Variants in SPAG17 observed in about 807,000 individuals in gnomAD.
SPAG17 encodes the protein sperm associated antigen 17.
Under a neutral mutation model 273.6 loss-of-function variants are expected in SPAG17, and 169 were observed. The ratio of observed to expected loss-of-function variants is 0.62; its 90% CI spans 0.55 to 0.70. The LOEUF is 0.70. Among genes scored for constraint, SPAG17 ranks in the 30% least tolerant of loss-of-function variants. SPAG17 has a pLI of 0.00. For synonymous variants in SPAG17, 825 were observed against 873.2 expected, an observed-to-expected ratio of 0.94 and a Z score of 0.97; for missense variants, 2,557 against 2,627.8, an observed-to-expected ratio of 0.97 and a Z score of 0.59.
At chr1:118,158,529 C>G (rs566587347) in intron 1 of SPAG17, among the ~76,000 whole-genome samples, 1 of 152,122 alleles carries the variant, frequency 6.6e-6, no homozygotes, top group Non-Finnish European at 1.5e-5. Flanking sequence ...GCATCAAGGT[C>G]TAAAACATGG....
intron 24 of SPAG17, among the ~76,000 whole-genome samples, chr1:118,034,036 G>A (rs1192301600): frequency 6.6e-6 from 1 of 152,204 alleles, no homozygotes; most frequent in Admixed American, 6.5e-5. Context: ...GTGCCAGCAA[G>A]TTGCTTGACC....
intron 3 of SPAG17, among the ~76,000 whole-genome samples, chr1:118,140,358 C>T (rs1438735125): frequency 6.6e-6 from 1 of 151,748 alleles, no homozygotes; most frequent in Non-Finnish European, 1.5e-5. Flanking sequence ...ATGTTCTCAC[C>T]ACAAAAAATG....
At chr1:117,964,811 C>T (rs985257135) in intron 47 of SPAG17, 1 of 152,186 alleles carries the variant, frequency 6.6e-6, no homozygotes, top group African/African-American at 2.4e-5. Flanking sequence ...GACACAAGTT[C>T]CTTTAACTTT....
At chr1:118,029,032 C>T (rs1038424714) in intron 25 of SPAG17, among the ~76,000 whole-genome samples, 17 of 152,000 alleles carry the variant, frequency 1.1e-4, no homozygotes, top group African/African-American at 4.1e-4. Context: ...GGTAGATCAC[C>T]TGAGGCAAGG....
At chr1:117,969,766 A>G (rs1163211812) in intron 46 of SPAG17, among the ~76,000 whole-genome samples, 3 of 152,220 alleles carry the variant, frequency 2.0e-5, no homozygotes, top group African/African-American at 7.2e-5. Flanking sequence ...ATGGTAAATA[A>G]CTGTAATATT....
rs1011306487 is a variant in SPAG17, at chr1:118,059,104, T to G, written c.2541-3190A>C. Among the ~76,000 whole-genome samples the G allele has an allele frequency of 3.3e-5, 5 of 152,248 alleles. No individual in the cohort carries two copies. The East Asian group carries it at 9.6e-4, about 29-fold the overall frequency. On this transcript the variant is annotated intron_variant, in intron 18 of 48. Coordinates refer to ENST00000336338, the MANE Select transcript of SPAG17 (RefSeq NM_206996.4). ...GCATGATTCCCTAGAAAAGCAGAAA[T>G]TACTCAAATTGATTGAAGAATTAAC...
intron 1 of SPAG17, among the ~76,000 whole-genome samples, chr1:118,154,981 G>A (rs1047061646): frequency 6.6e-6 from 1 of 152,094 alleles, no homozygotes; most frequent in Non-Finnish European, 1.5e-5. Context: ...AGAGGGTCTG[G>A]GTCTGTCACA....
Position 118,081,444 on chromosome 1 carries a change from AT to A in SPAG17, c.1960del (p.Met654Ter). 1 of 1,613,702 alleles carries A rather than the reference AT, an allele frequency of 6.2e-7. No homozygotes were observed. The highest frequency in any genetic ancestry group is 8.5e-7 in the Non-Finnish European group (1 of 1,179,976). On this transcript the variant is annotated frameshift_variant, in exon 14 of 49. Coordinates refer to ENST00000336338, the MANE Select transcript of SPAG17 (RefSeq NM_206996.4). LOFTEE classifies it high-confidence loss of function. The part of the protein sequence containing the change: ...KQIRQQYVMK[M>X]NTQEAKQKAD... ...TTTCTGCTTGGCCTCTTGAGTATTC[AT>A]TTTCATGACATATTGCTGCCTTATC...
Position 117,996,358 on chromosome 1 carries a change from T to C in SPAG17, c.5053+12A>G. ...GAGACACCGTGCATTCCAGACAGTA[T>C]GGGTCCTCTACCTGGCTGTTCCTGC... is the stretch of plus-strand genomic sequence containing the variant. On this transcript the variant is annotated intron_variant, in intron 34 of 48. Coordinates refer to ENST00000336338, the MANE Select transcript of SPAG17 (RefSeq NM_206996.4). 6.2e-7 allele frequency: 1 copy of C among 1,609,072 alleles called. No individual in the cohort carries two copies. The highest frequency in any genetic ancestry group is 2.2e-5 in the East Asian group (1 of 44,824).
At chr1:118,156,682 T>C (rs1048055325) in intron 1 of SPAG17, among the ~76,000 whole-genome samples, 1 of 152,190 alleles carries the variant, frequency 6.6e-6, no homozygotes, top group African/African-American at 2.4e-5. Context: ...TATAAAACCA[T>C]TCCTCCCCTC....
In SPAG17 at chr1:118,123,591, A is replaced by G. The variant is rs552370998; in HGVS notation, c.316-8150T>C. On this transcript the variant is annotated intron_variant, in intron 3 of 48. Transcript: ENST00000336338. ...GCTTGGTGAGAAATTCATAATGATG[A>G]TAAATATCTGTAGCAGGTGACTCCT... 7.9e-4 allele frequency among the ~76,000 whole-genome samples: 120 copies of G among 152,332 alleles called. 1 individual carries two copies. Among genetic ancestry groups the G allele is most frequent in the African/African-American group, 2.8e-3 (118 of 41,564 alleles).
At chr1:118,054,431 T>A (rs1651419426) in intron 19 of SPAG17, among the ~76,000 whole-genome samples, 1 of 152,154 alleles carries the variant, frequency 6.6e-6, no homozygotes, top group Non-Finnish European at 1.5e-5. Context: ...AAATCTAACA[T>A]TTCCATCCAT....
At position 118,020,000 on chromosome 1, in the gene SPAG17, A is replaced by G. The variant is rs115555863; in HGVS notation, c.4069+3304T>C. Among the ~76,000 whole-genome samples, 919 of 152,372 alleles carry G rather than the reference A, an allele frequency of 6.0e-3. 5 individuals are homozygous for G. The highest frequency in any genetic ancestry group is 0.01 in the Non-Finnish European group (690 of 68,028). On this transcript the variant is annotated intron_variant, in intron 28 of 48. Coordinates refer to ENST00000336338, the MANE Select transcript of SPAG17 (RefSeq NM_206996.4). ...TTCACCTATTTGCTGCTTATAAGAGACACATTTAAACATAAACCACAGAAG... is the reference window on the plus strand; with the variant it reads ...TTCACCTATTTGCTGCTTATAAGAGGCACATTTAAACATAAACCACAGAAG...
At chr1:118,099,195 G>A (rs1655903041) in intron 6 of SPAG17, among the ~76,000 whole-genome samples, 1 of 152,132 alleles carries the variant, frequency 6.6e-6, no homozygotes, top group South Asian at 2.1e-4. Flanking sequence ...GACAATAGCA[G>A]AACAGGGCAA....
At position 118,037,360 on chromosome 1, in the gene SPAG17, A is replaced by G. The variant is rs138940738; in HGVS notation, c.3320-477T>C. 4.5e-3 allele frequency among the ~76,000 whole-genome samples: 681 copies of G among 152,080 alleles called. 6 individuals carry two copies. The highest frequency in any genetic ancestry group is 0.016 in the African/African-American group (651 of 41,484). On this transcript the variant is annotated intron_variant, in intron 23 of 48. Transcript: ENST00000336338. ...TAAGGCACTTTTTTTTCTTTTCTCA[A>G]TTTTTAGGTTTAGGGGGTACCTGTG...
At chr1:118,127,897 GTGGATCATGAGGTCAAGAGAC>G (rs1273559187) in intron 3 of SPAG17, among the ~76,000 whole-genome samples, 7 of 152,150 alleles carry the variant, frequency 4.6e-5, no homozygotes, top group African/African-American at 1.7e-4. Context: ...GCCAAGGTGG[GTGGATCATGAGGTCAAGAGAC>G]TGCGACAATC....
intron 7 of SPAG17, among the ~76,000 whole-genome samples, chr1:118,096,398 C>G (rs897269836): frequency 6.6e-6 from 1 of 151,502 alleles, no homozygotes; most frequent in African/African-American, 2.4e-5. Context: ...TGTGCAGACA[C>G]CCATCCACCC....
chr1:118,096,340 T>C (rs1655698877), intron 7 of SPAG17, among the ~76,000 whole-genome samples: 1 of 147,470 alleles, frequency 6.8e-6, no homozygotes, highest in Admixed American at 7.1e-5. Flanking sequence ...TCACTCTTCT[T>C]TTAGACAGTC....
At chr1:117,960,357 TAG>T (rs1423337783) in intron 48 of SPAG17, 1 of 152,126 alleles carries the variant, frequency 6.6e-6, no homozygotes, top group Non-Finnish European at 1.5e-5. Flanking sequence ...TAAAGTAAGC[TAG>T]AGAAAAGAAA....
Sources: gnomAD v4.1 joint callset for allele counts (sites outside exome capture counted in the v4.1 genomes callset) on GRCh38, gnomAD v4.1.1 for gene constraint, MANE v1.5 for transcripts, NCBI Gene and HGNC (gene_info 2026-07-23, HGNC 2026-07-21) for gene names.